Variants in HOXA13 observed in about 807,000 individuals in gnomAD.
The protein encoded by HOXA13 is homeobox protein Hox-A13.
In HOXA13, 5 loss-of-function variants were observed where a neutral mutation model predicts 25.7. The ratio of observed to expected loss-of-function variants is 0.19; its 90% CI spans 0.10 to 0.41. The LOEUF is 0.41. Ranked by LOEUF, HOXA13 falls within the 10% of genes least tolerant of loss-of-function variation. HOXA13 has a pLI of 1.00. For synonymous variants in HOXA13, 284 were observed against 241.1 expected, an observed-to-expected ratio of 1.18 and a Z score of -1.65; for missense variants, 557 against 533.5, an observed-to-expected ratio of 1.04 and a Z score of -0.43.
chr7:27,199,961 CG>C lies in HOXA13; in HGVS notation c.116del (p.Ala39GlyfsTer52). On this transcript the variant is annotated frameshift_variant, in exon 1 of 2. Coordinates refer to ENST00000649031, the MANE Select transcript of HOXA13 (RefSeq NM_000522.5). LOFTEE classifies it high-confidence loss of function. Reference protein sequence around the residue: ...DELNKNMEGAAAAAAAAAAAA... With the variant: ...DELNKNMEGAXAAAAAAAAAA... Reference sequence around the variant, plus strand: ...CCGCTGCAGCCGCTGCTGCAGCCGCCGCCGCCCCTTCCATGTTCTTGTTGAG... The same window carrying C: ...CCGCTGCAGCCGCTGCTGCAGCCGCCCCGCCCCTTCCATGTTCTTGTTGAG... The C allele has an allele frequency of 7.1e-7, 1 of 1,415,152 alleles. No homozygotes were observed. 87.7% of individuals were successfully genotyped at this position (1,415,152 alleles called of 1,614,324 possible). A position where few individuals can be genotyped will look rare whatever the true frequency, so the allele number is the denominator to read the frequency against.
chr7:27,194,940 C>G lies in HOXA13; in HGVS notation c.*3258G>C, dbSNP rs1301831971. On this transcript the variant is annotated 3_prime_UTR_variant, in exon 2 of 2. Coordinates refer to ENST00000649031, the MANE Select transcript of HOXA13 (RefSeq NM_000522.5). Reference sequence around the variant, plus strand: ...CAGAAGAGTCCCTTTTGGAGCTGTTCTTAAACACACAGTTTGATCCAGCTT... The same window carrying G: ...CAGAAGAGTCCCTTTTGGAGCTGTTGTTAAACACACAGTTTGATCCAGCTT... The G allele has an allele frequency of 6.6e-6, 1 of 152,186 alleles. No individual in the cohort carries two copies. Among genetic ancestry groups the G allele is most frequent in the Non-Finnish European group, 1.5e-5 (1 of 68,030 alleles). 9.4% of individuals were successfully genotyped at this position (152,186 alleles called of 1,614,324 possible).
chr7:27,195,273 G>A lies in HOXA13; in HGVS notation c.*2925C>T, dbSNP rs1031581154. The A allele has an allele frequency of 2.6e-5, 4 of 152,104 alleles. No homozygotes were observed. Among genetic ancestry groups the A allele is most frequent in the East Asian group, 1.9e-4 (1 of 5,202 alleles). The allele number at this position is 152,104 out of a possible 1,614,324, so 9.4% of individuals were successfully genotyped here. On this transcript the variant is annotated 3_prime_UTR_variant, in exon 2 of 2. Coordinates refer to ENST00000649031, the MANE Select transcript of HOXA13 (RefSeq NM_000522.5). Reference sequence around the variant, plus strand: ...CTCAGGAGAGGTTGGAGAGGTTTCCGGCAGCCACTTTTGTAACCAATCAAT... The same window carrying A: ...CTCAGGAGAGGTTGGAGAGGTTTCCAGCAGCCACTTTTGTAACCAATCAAT...
chr7:27,195,600 A>T lies in HOXA13; in HGVS notation c.*2598T>A, dbSNP rs947122488. 6.6e-6 allele frequency: 1 copy of T among 152,198 alleles called. No individual in the cohort carries two copies. Among genetic ancestry groups the T allele is most frequent in the African/African-American group, 2.4e-5 (1 of 41,444 alleles). 9.4% of individuals were successfully genotyped at this position (152,198 alleles called of 1,614,324 possible). On this transcript the variant is annotated 3_prime_UTR_variant, in exon 2 of 2. Coordinates refer to ENST00000649031, the MANE Select transcript of HOXA13 (RefSeq NM_000522.5). ...TTTTGATGGAAGTTGTTAATATTAA[A>T]CATATTTATTTATCCTACAAATCAA...
At position 27,199,200 on chromosome 7, in the gene HOXA13, T is replaced by C; in HGVS notation, c.878A>G (p.Lys293Arg). 6.2e-7 allele frequency: 1 copy of C among 1,613,332 alleles called. No individual in the cohort carries two copies. The highest frequency in any genetic ancestry group is 8.5e-7 in the Non-Finnish European group (1 of 1,179,688). ...GAGGTGGGGAGGCTGCGCCTGCTCTTTGGGGCAGTACATTTGGCCGTTCCA... is the reference window on the plus strand; with the variant it reads ...GAGGTGGGGAGGCTGCGCCTGCTCTCTGGGGCAGTACATTTGGCCGTTCCA... ...NGWNGQMYCP[K>R]EQAQPPHLWK... The change falls in exon 1 of 2, where the codon AAA becomes AGA. Residue 293 changes from lysine (K) to arginine (R), a missense_variant. By Grantham distance (26) the Lys-to-Arg change is conservative (BLOSUM62 2). Transcript: ENST00000649031.
rs766350544 is a variant in HOXA13 at position 27,199,482 on chromosome 7, G to C, written c.596C>G (p.Ser199Trp). Residue 199 changes from serine (S) to tryptophan (W), a missense_variant, in exon 1 of 2, where the codon TCG becomes TGG. By Grantham distance (177) the Ser-to-Trp change is radical (BLOSUM62 -3). Transcript: ENST00000649031. ...NAIKSCAQPA[S>W]AAAAAAFADK... is the part of the protein sequence containing the mutation. ...CGCGAAGGCGGCGGCGGCGGCGGCC[G>C]AGGCGGGCTGCGCGCACGACTTGAT... 6.2e-7 allele frequency: 1 copy of C among 1,610,818 alleles called. No individual in the cohort carries two copies. The highest frequency in any genetic ancestry group is 1.1e-5 in the South Asian group (1 of 90,920).
Position 27,197,085 on chromosome 7 carries a change from TA to T in HOXA13, c.*1112del. On this transcript the variant is annotated 3_prime_UTR_variant, in exon 2 of 2. Coordinates refer to ENST00000649031, the MANE Select transcript of HOXA13 (RefSeq NM_000522.5). ...GTGCTGGTTGAAATAACTGCTTGAT[TA>T]AAAATGTGCTGTGAAGATGAATCAC... 4.8e-6 allele frequency: 1 copy of T among 206,714 alleles called. No individual in the cohort carries two copies. The highest frequency in any genetic ancestry group is 9.9e-6 in the Non-Finnish European group (1 of 101,004). The allele number at this position is 206,714 out of a possible 1,614,324, so 12.8% of individuals were successfully genotyped here.
At chr7:27,199,053 A>C in intron 1 of HOXA13, 103 bp downstream of exon 1, 1 of 1,140,996 alleles carries the variant, frequency 8.8e-7, no homozygotes, top group South Asian at 1.5e-5. Flanking sequence ...GCTAGGGCAG[A>C]CCAGGAAGAG....
In HOXA13 at chr7:27,195,315, T is replaced by C. The variant is rs1050289666; in HGVS notation, c.*2883A>G. 1.3e-5 allele frequency: 2 copies of C among 152,240 alleles called. No individual in the cohort carries two copies. Among genetic ancestry groups the C allele is most frequent in the African/African-American group, 2.4e-5 (1 of 41,466 alleles). The allele number at this position is 152,240 out of a possible 1,614,324, so 9.4% of individuals were successfully genotyped here. A position where few individuals can be genotyped will look rare whatever the true frequency, so the allele number is the denominator to read the frequency against. On this transcript the variant is annotated 3_prime_UTR_variant, in exon 2 of 2. Coordinates refer to ENST00000649031, the MANE Select transcript of HOXA13 (RefSeq NM_000522.5). ...CCAATCAATATTATTTTCCATAAAA[T>C]GATGAATCTGGTTCTTCCATTCACT...
chr7:27,199,865 C>G lies in HOXA13; in HGVS notation c.213G>C (p.Ser71=). 2 of 1,028,328 alleles carry G rather than the reference C, an allele frequency of 1.9e-6. No individual in the cohort carries two copies. The highest frequency in any genetic ancestry group is 1.2e-6 in the Non-Finnish European group (1 of 855,380). 63.7% of individuals were successfully genotyped at this position (1,028,328 alleles called of 1,614,324 possible). A position where few individuals can be genotyped will look rare whatever the true frequency, so the allele number is the denominator to read the frequency against. ...PAAAAAGGNF[S]VAAAAAAAAA... ...CCGCAGCCGCGGCCGCCGCCGCCAC[C>G]GAGAAGTTGCCCCCTGCCGCCGCAG... is the stretch of plus-strand genomic sequence containing the variant. The change falls in exon 1 of 2, where the codon TCG becomes TCC. Residue 71 remains serine (S), a synonymous_variant. Transcript: ENST00000649031.
rs1463554757 is a variant in HOXA13 at position 27,194,804 on chromosome 7, T to C, written c.*3394A>G. The C allele has an allele frequency of 6.6e-6, 1 of 152,242 alleles. No homozygotes were observed. The highest frequency in any genetic ancestry group is 2.4e-5 in the African/African-American group (1 of 41,452). The allele number at this position is 152,242 out of a possible 1,614,324, so 9.4% of individuals were successfully genotyped here. ...ACTTTACCCAGGGTTCCTGTAGTGG[T>C]GATGGCTTTCGAAAGGGGCGGGATC... On this transcript the variant is annotated 3_prime_UTR_variant, in exon 2 of 2. Transcript: ENST00000649031.
rs771239407 is a variant in HOXA13 at position 27,200,033 on chromosome 7, G to A, written c.45C>T (p.Thr15=). ...VLLHPRWIEP[T]VMFLYDNGGG... is the part of the protein sequence containing the mutation. ...CGCCGTTGTCGTAGAGAAACATGACGGTGGGCTCGATCCAGCGGGGGTGGA... is the reference window on the plus strand; with the variant it reads ...CGCCGTTGTCGTAGAGAAACATGACAGTGGGCTCGATCCAGCGGGGGTGGA... Residue 15 remains threonine, a synonymous_variant, in exon 1 of 2, where the codon ACC becomes ACT. Transcript: ENST00000649031. The A allele has an allele frequency of 2.7e-6, 4 of 1,486,100 alleles. No individual in the cohort carries two copies. Among genetic ancestry groups the A allele is most frequent in the African/African-American group, 2.9e-5 (2 of 68,610 alleles). 92.1% of individuals were successfully genotyped at this position (1,486,100 alleles called of 1,614,324 possible). A position where few individuals can be genotyped will look rare whatever the true frequency, so the allele number is the denominator to read the frequency against.
chr7:27,196,447 C>T lies in HOXA13; in HGVS notation c.*1751G>A, dbSNP rs1484914562. 2.0e-5 allele frequency: 3 copies of T among 152,052 alleles called. No individual in the cohort carries two copies. The highest frequency in any genetic ancestry group is 7.3e-5 in the African/African-American group (3 of 41,378). The allele number at this position is 152,052 out of a possible 1,614,324, so 9.4% of individuals were successfully genotyped here. On this transcript the variant is annotated 3_prime_UTR_variant, in exon 2 of 2. Coordinates refer to ENST00000649031, the MANE Select transcript of HOXA13 (RefSeq NM_000522.5). ...GTCAAAAGTCAAGGTCACAAATTGT[C>T]TTTTTTTTCGTCAAGGTCAAGGTTT...
At position 27,199,117 on chromosome 7, in the gene HOXA13, G is replaced by A. The variant is rs151222178; in HGVS notation, c.922+39C>T. 5.8e-3 allele frequency: 9,144 copies of A among 1,583,494 alleles called. 32 individuals are homozygous for A. The highest frequency in any genetic ancestry group is 7.6e-3 in the Middle Eastern group (45 of 5,948). ...TGCGAGCGGAGAAGAAGCTGGAGCAGAGCCGGAAGACCAGGGCTGGGAATA... is the reference window on the plus strand; with the variant it reads ...TGCGAGCGGAGAAGAAGCTGGAGCAAAGCCGGAAGACCAGGGCTGGGAATA... On this transcript the variant is annotated intron_variant, in intron 1 of 1. Transcript: ENST00000649031.
chr7:27,198,134 C>T lies in HOXA13; in HGVS notation c.*64G>A, dbSNP rs1326841658. On this transcript the variant is annotated 3_prime_UTR_variant, in exon 2 of 2. Transcript: ENST00000649031. ...TATTATTAAGCATTATTATCATTAT[C>T]TGGGCAAAGCAACGAGTTCTGAAGC... 1.3e-6 allele frequency: 2 copies of T among 1,560,320 alleles called. No individual in the cohort carries two copies. The highest frequency in any genetic ancestry group is 1.8e-6 in the Non-Finnish European group (2 of 1,133,378).
In HOXA13 at chr7:27,199,540, G is replaced by T; in HGVS notation, c.538C>A (p.Pro180Thr). 6.3e-7 allele frequency: 1 copy of T among 1,579,598 alleles called. No individual in the cohort carries two copies. Among genetic ancestry groups the T allele is most frequent in the Non-Finnish European group, 8.6e-7 (1 of 1,164,026 alleles). ...GGGTGCGGGCCCATGCGGGCGCACG[G>T]GTAGTAGCCGCTGCCGAAGTAGCCA... ...PYGYFGSGYY[P>T]CARMGPHPNA... The change falls in exon 1 of 2, where the codon CCG (proline) becomes ACG (threonine). Residue 180 changes from proline to threonine, a missense_variant. By Grantham distance (38) the Pro-to-Thr change is conservative. Transcript: ENST00000649031.
rs1784022065 is a variant in HOXA13, at chr7:27,197,829, A to G, written c.*369T>C. On this transcript the variant is annotated 3_prime_UTR_variant, in exon 2 of 2. Coordinates refer to ENST00000649031, the MANE Select transcript of HOXA13 (RefSeq NM_000522.5). ...ACAATGGCCTCTTGCGTTTGTAACC[A>G]ACTTCCAGATTATTACCATCTAACG... 5.7e-6 allele frequency: 2 copies of G among 351,344 alleles called. No homozygotes were observed. Among genetic ancestry groups the G allele is most frequent in the African/African-American group, 4.2e-5 (2 of 47,626 alleles). 21.8% of individuals were successfully genotyped at this position (351,344 alleles called of 1,614,324 possible).
rs1784054244 is a variant in HOXA13 at position 27,199,308 on chromosome 7, C to A, written c.770G>T (p.Gly257Val). 1 of 1,613,888 alleles carries A rather than the reference C, an allele frequency of 6.2e-7. No individual in the cohort carries two copies. Among genetic ancestry groups the A allele is most frequent in the Non-Finnish European group, 8.5e-7 (1 of 1,179,970 alleles). ...GCGCGACTCGCCGGGGCCCCCGAGG[C>A]CCGGCACCACTGGCATATCCAGGTA... ...PGYLDMPVVP[G>V]LGGPGESRHE... Residue 257 changes from glycine (G) to valine (V), a missense_variant, in exon 1 of 2, where the codon GGC becomes GTC. Coordinates refer to ENST00000649031, the MANE Select transcript of HOXA13 (RefSeq NM_000522.5).
intron 1 of HOXA13, 104 bp downstream of exon 1, chr7:27,199,052 G>T: frequency 8.8e-7 from 1 of 1,137,872 alleles, no homozygotes; most frequent in Non-Finnish European, 1.2e-6. Context: ...CGCTAGGGCA[G>T]ACCAGGAAGA....
At position 27,195,291 on chromosome 7, in the gene HOXA13, C is replaced by T. The variant is rs1783991589; in HGVS notation, c.*2907G>A. 6.6e-6 allele frequency: 1 copy of T among 152,194 alleles called. No homozygotes were observed. The highest frequency in any genetic ancestry group is 2.4e-5 in the African/African-American group (1 of 41,446). The allele number at this position is 152,194 out of a possible 1,614,324, so 9.4% of individuals were successfully genotyped here. The stretch of plus-strand genomic sequence containing the variant: ...GGTTTCCGGCAGCCACTTTTGTAAC[C>T]AATCAATATTATTTTCCATAAAATG... On this transcript the variant is annotated 3_prime_UTR_variant, in exon 2 of 2. Transcript: ENST00000649031.
Sources: gnomAD v4.1 joint callset for allele counts on GRCh38, gnomAD v4.1.1 for gene constraint, MANE v1.5 for transcripts, NCBI Gene and HGNC (gene_info 2026-07-23, HGNC 2026-07-21) for gene names.